FBXO5: variants seen among roughly 807,000 people sequenced by gnomAD.
FBXO5 encodes F-box only protein 5.
FBXO5 carries 8 observed loss-of-function variants against 43.3 expected under a neutral mutation model. The ratio of observed to expected loss-of-function variants is 0.18; its 90% CI spans 0.11 to 0.33. FBXO5 has a LOEUF of 0.33. Among genes scored for constraint, FBXO5 ranks in the 10% least tolerant of loss-of-function variants. The pLI, the probability that FBXO5 is intolerant of heterozygous loss-of-function variation, is 1.00. For missense variants in FBXO5, 491 were observed against 535.7 expected (o/e 0.92, Z 0.82); for synonymous variants, 204 against 193.7 (o/e 1.05, Z -0.44).
intron 3 of FBXO5, 87 bp downstream of exon 3, chr6:152,972,959 G>C: frequency 9.7e-7 from 1 of 1,034,970 alleles, no homozygotes; most frequent in Non-Finnish European, 1.5e-6. Context: ...GTAAAGAAGG[G>C]TTTCCAGATT....
chr6:152,971,707 A>T (rs1000936503), intron 4 of FBXO5, among the ~76,000 whole-genome samples: 1 of 152,206 alleles, frequency 6.6e-6, no homozygotes, highest in Non-Finnish European at 1.5e-5. Flanking sequence ...ATCAGAAAAT[A>T]TTCTATAATT....
chr6:152,972,949 G>T, intron 3 of FBXO5, 97 bp downstream of exon 3: 2 of 913,978 alleles, frequency 2.2e-6, no homozygotes, highest in Non-Finnish European at 3.4e-6. Flanking sequence ...CTTTATGACT[G>T]TAAAGAAGGG....
chr6:152,982,832 C>A (rs1164759153), intron 1 of FBXO5, 25 bp downstream of exon 1: 4 of 1,466,140 alleles, frequency 2.7e-6, no homozygotes, highest in Non-Finnish European at 3.6e-6. Flanking sequence ...TGCGCGCCCC[C>A]CTCGCGACCG....
rs138580404 is a variant in FBXO5 at position 152,974,998 on chromosome 6, A to G, written c.727T>C (p.Cys243Arg). ...AAGAGTTCGCTGAGAATATCTACAC[A>G]TTCTAGGCCCATTTTTCTGCCAATT... Reference protein sequence around the residue: ...NIIGRKMGLECVDILSELFRR... With the variant: ...NIIGRKMGLERVDILSELFRR... The change falls in exon 2 of 5, where the codon TGT becomes CGT. Residue 243 changes from cysteine (C) to arginine (R), a missense_variant. Cys to Arg is a radical substitution (Grantham distance 180). Transcript: ENST00000229758. 6.2e-6 allele frequency: 10 copies of G among 1,613,996 alleles called. No individual in the cohort carries two copies. The highest frequency in any genetic ancestry group is 8.5e-6 in the Non-Finnish European group (10 of 1,180,030).
intron 4 of FBXO5, among the ~76,000 whole-genome samples, chr6:152,971,780 C>T (rs1481979083): frequency 6.6e-6 from 1 of 152,146 alleles, no homozygotes; most frequent in Admixed American, 6.5e-5. Flanking sequence ...TTTTAGCACA[C>T]ATCATTCACT....
At chr6:152,980,290 G>T (rs900988272) in intron 1 of FBXO5, among the ~76,000 whole-genome samples, 1 of 152,192 alleles carries the variant, frequency 6.6e-6, no homozygotes, top group Non-Finnish European at 1.5e-5. Context: ...TAGGGAGAGA[G>T]AAAGATATTA....
Position 152,975,378 on chromosome 6 carries a change from T to C in FBXO5, c.347A>G (p.His116Arg), listed in dbSNP as rs752341656. The change falls in exon 2 of 5, where the codon CAT becomes CGT. Residue 116 changes from histidine to arginine, a missense_variant. Physicochemically the swap from His to Arg is conservative, Grantham distance 29. Transcript: ENST00000229758. ...VQLETESKRLHNKENQHVQQT... is the reference protein window; with the variant it reads ...VQLETESKRLRNKENQHVQQT... ...TTGCACATGTTGATTTTCCTTGTTATGCAAGCGCTTGCTTTCAGTTTCAAG... is the reference window on the plus strand; with the variant it reads ...TTGCACATGTTGATTTTCCTTGTTACGCAAGCGCTTGCTTTCAGTTTCAAG... The C allele has an allele frequency of 3.1e-6, 5 of 1,613,854 alleles. No individual in the cohort carries two copies. Among genetic ancestry groups the C allele is most frequent in the South Asian group, 2.2e-5 (2 of 91,036 alleles).
chr6:152,980,912 C>T (rs1220175237), intron 1 of FBXO5, among the ~76,000 whole-genome samples: 1 of 152,174 alleles, frequency 6.6e-6, no homozygotes, highest in Non-Finnish European at 1.5e-5. Context: ...GGACTAAATG[C>T]AAGGCAAAGT....
intron 1 of FBXO5, among the ~76,000 whole-genome samples, chr6:152,982,075 T>TAA (rs1269103332): frequency 1.3e-5 from 2 of 152,232 alleles, no homozygotes; most frequent in South Asian, 2.1e-4. Flanking sequence ...TTGCTTTTTT[T>TAA]AAAGTCTTCC....
At position 152,982,888 on chromosome 6, in the gene FBXO5, C is replaced by G; in HGVS notation, c.72G>C (p.Val24=). The stretch of plus-strand genomic sequence containing the variant: ...AGGGTCGAGGGCGCCCGGCGGCTGT[C>G]ACTGCGCTGGGGCTGGCGCTGCAGG... ...RCSCSASPSA[V]TAAGRPRPSD... is the part of the protein sequence containing the mutation. Residue 24 remains valine, a synonymous_variant, in exon 1 of 5, where the codon GTG becomes GTC. Transcript: ENST00000229758. The G allele has an allele frequency of 6.6e-7, 1 of 1,513,706 alleles. No homozygotes were observed. The highest frequency in any genetic ancestry group is 8.8e-7 in the Non-Finnish European group (1 of 1,137,716). The allele number at this position is 1,513,706 out of a possible 1,614,324, so 93.8% of individuals were successfully genotyped here. A position where few individuals can be genotyped will look rare whatever the true frequency, so the allele number is the denominator to read the frequency against.
At chr6:152,972,998 G>GCA in intron 3 of FBXO5, 48 bp downstream of exon 3, 1 of 1,421,338 alleles carries the variant, frequency 7.0e-7, no homozygotes, top group Non-Finnish European at 9.9e-7. Context: ...TTCTAGAAGA[G>GCA]CACTAACAGT....
upstream of FBXO5, chr6:152,983,318 G>A (rs886726699): frequency 4.4e-6 from 1 of 225,596 alleles, no homozygotes; most frequent in Admixed American, 5.8e-5. Context: ...CACGTGTGGA[G>A]GGTCTATCAC....
At chr6:152,980,236 T>C (rs2129094459) in intron 1 of FBXO5, among the ~76,000 whole-genome samples, 1 of 152,318 alleles carries the variant, frequency 6.6e-6, no homozygotes, top group Non-Finnish European at 1.5e-5. Context: ...AGAGTTCAGT[T>C]GAACCATTTC....
At chr6:152,979,152 A>T (rs1778222672) in intron 1 of FBXO5, among the ~76,000 whole-genome samples, 1 of 152,182 alleles carries the variant, frequency 6.6e-6, no homozygotes, top group African/African-American at 2.4e-5. Context: ...AAATTAACCA[A>T]TATTGTTGCA....
At chr6:152,972,477 T>C (rs878892355) in intron 3 of FBXO5, 23 bp from the exon 4 acceptor site, 1 of 1,496,928 alleles carries the variant, frequency 6.7e-7, no homozygotes, top group African/African-American at 1.4e-5. Flanking sequence ...AAAGTTTTAA[T>C]AGAATTTAGA....
chr6:152,979,949 T>G (rs949171037), intron 1 of FBXO5, among the ~76,000 whole-genome samples: 1 of 152,228 alleles, frequency 6.6e-6, no homozygotes, highest in East Asian at 1.9e-4. Flanking sequence ...GAAATCTGGA[T>G]GTTGGTTGTA....
Position 152,974,950 on chromosome 6 carries a change from A to G in FBXO5, c.775T>C (p.Leu259=), listed in dbSNP as rs766819016. 2.5e-6 allele frequency: 4 copies of G among 1,610,096 alleles called. No homozygotes were observed. The highest frequency in any genetic ancestry group is 1.7e-6 in the Non-Finnish European group (2 of 1,178,832). ...CTGAGTTGTGCTAAAATAGTTGCTA[A>G]GACATGTCTGAGTCCCCTTCGAAAG... ...ELFRRGLRHV[L]ATILAQLSDM... is the part of the protein sequence containing the mutation. The change falls in exon 2 of 5, where the codon TTA becomes CTA. Residue 259 remains leucine, a synonymous_variant. Transcript: ENST00000229758.
At position 152,975,406 on chromosome 6, in the gene FBXO5, G is replaced by C. The variant is rs2073260; in HGVS notation, c.319C>G (p.Gln107Glu). Reference protein sequence around the residue: ...GSPIVSPRIVQLETESKRLHN... With the variant: ...GSPIVSPRIVELETESKRLHN... Reference sequence around the variant, plus strand: ...AAGCGCTTGCTTTCAGTTTCAAGTTGTACAATCCTAGGGCTCACAATCGGT... The same window carrying C: ...AAGCGCTTGCTTTCAGTTTCAAGTTCTACAATCCTAGGGCTCACAATCGGT... Residue 107 changes from glutamine (Q) to glutamate (E), a missense_variant, in exon 2 of 5, where the codon CAA (glutamine) becomes GAA (glutamate). Coordinates refer to ENST00000229758, the MANE Select transcript of FBXO5 (RefSeq NM_012177.5). 1,127,096 of 1,613,528 alleles carry C rather than the reference G, an allele frequency of 0.7. 396,995 individuals are homozygous for C. Among genetic ancestry groups the C allele is most frequent in the African/African-American group, 0.94 (70,683 of 75,000 alleles).
At chr6:152,978,896 C>G (rs192586562) in intron 1 of FBXO5, among the ~76,000 whole-genome samples, 47 of 151,452 alleles carry the variant, frequency 3.1e-4, no homozygotes, top group African/African-American at 1.1e-3. Context: ...GAGGCTGAGG[C>G]GGGAGAATTG....
Sources: allele counts gnomAD v4.1 joint callset (sites outside exome capture counted in the v4.1 genomes callset), GRCh38; gene constraint gnomAD v4.1.1; transcripts MANE v1.5; gene names NCBI Gene and HGNC (gene_info 2026-07-23, HGNC 2026-07-21).